The following ATP10D variants were observed in gnomAD, a reference collection of about 807,000 sequenced individuals.
ATP10D encodes phospholipid-transporting ATPase VD.
Under a neutral mutation model 144.8 loss-of-function variants are expected in ATP10D, and 89 were observed. The observed-to-expected ratio is 0.61, with a 90% CI of 0.52 to 0.73. The LOEUF is 0.73. Among genes scored for constraint, ATP10D ranks in the 30% least tolerant of loss-of-function variants. The pLI is 0.00. For synonymous variants in ATP10D, 571 were observed against 615.1 expected, an observed-to-expected ratio of 0.93 and a Z score of 1.06; for missense variants, 1,603 against 1,714.8, an observed-to-expected ratio of 0.93 and a Z score of 1.15.
intron 1 of ATP10D, among the ~76,000 whole-genome samples, chr4:47,502,088 A>C (rs1715711537): frequency 6.6e-6 from 1 of 152,194 alleles, no homozygotes; most frequent in Non-Finnish European, 1.5e-5. Flanking sequence ...ACACATATAC[A>C]ACTGCAACAT....
chr4:47,528,505 GTGTGTGTGTATA>G (rs1391724072), intron 5 of ATP10D, among the ~76,000 whole-genome samples: 490 of 26,060 alleles, frequency 0.019, 3 homozygotes, highest in African/African-American at 0.063. Flanking sequence ...GTGTGTGTGT[GTGTGTGTGTATA>G]TATATATATA....
At chr4:47,590,410 A>G (rs1423872872) in intron 22 of ATP10D, among the ~76,000 whole-genome samples, 1 of 152,128 alleles carries the variant, frequency 6.6e-6, no homozygotes, top group Non-Finnish European at 1.5e-5. Flanking sequence ...GCATAGCTGG[A>G]CAACCTTTCT....
At chr4:47,535,193 C>CA (rs1044390790) in intron 5 of ATP10D, among the ~76,000 whole-genome samples, 17 of 151,782 alleles carry the variant, frequency 1.1e-4, no homozygotes, top group African/African-American at 4.1e-4. Context: ...GCATGAGGTT[C>CA]AAAAAACCAC....
chr4:47,487,229 CCCA>C lies in ATP10D; in HGVS notation c.-38+1711_-38+1713del, dbSNP rs778896154. ...GGGCAACAAGAGCAAAACTCCGTCCCCCAAAAAAAAAAAAAAAAAAATAGAATC... is the reference window on the plus strand; with the variant it reads ...GGGCAACAAGAGCAAAACTCCGTCCCAAAAAAAAAAAAAAAAAATAGAATC... On this transcript the variant is annotated intron_variant, in intron 1 of 22. Transcript: ENST00000273859. Among the ~76,000 whole-genome samples, 63 of 14,136 alleles carry C rather than the reference CCCA, an allele frequency of 4.5e-3. 3 individuals carry two copies. Among genetic ancestry groups the C allele is most frequent in the East Asian group, 0.035 (6 of 170 alleles). The allele number at this position is 14,136 out of a possible 152,430, so 9.3% of individuals were successfully genotyped here. A position where few individuals can be genotyped will look rare whatever the true frequency, so the allele number is the denominator to read the frequency against.
At chr4:47,538,546 G>A (rs1441602556) in intron 9 of ATP10D, among the ~76,000 whole-genome samples, 1 of 152,134 alleles carries the variant, frequency 6.6e-6, no homozygotes, top group East Asian at 1.9e-4. Context: ...CAAATATGCT[G>A]TCTCACAGTA....
intron 1 of ATP10D, among the ~76,000 whole-genome samples, chr4:47,495,466 T>C (rs982963816): frequency 6.6e-6 from 1 of 152,178 alleles, no homozygotes; most frequent in South Asian, 2.1e-4. Flanking sequence ...AATGAAGTTC[T>C]GTTTTCTAAT....
At chr4:47,581,694 C>G (rs1392574011) in intron 20 of ATP10D, among the ~76,000 whole-genome samples, 1 of 152,038 alleles carries the variant, frequency 6.6e-6, no homozygotes, top group African/African-American at 2.4e-5. Flanking sequence ...CCTTAAAAAG[C>G]TAGAAGTGTG....
chr4:47,575,343 G>C (rs557201550), intron 18 of ATP10D, among the ~76,000 whole-genome samples: 1 of 152,202 alleles, frequency 6.6e-6, no homozygotes, highest in South Asian at 2.1e-4. Flanking sequence ...AGTGAACTTA[G>C]TTTGTCTGAG....
At chr4:47,532,817 C>T (rs1717637865) in intron 5 of ATP10D, among the ~76,000 whole-genome samples, 1 of 152,122 alleles carries the variant, frequency 6.6e-6, no homozygotes, top group East Asian at 1.9e-4. Flanking sequence ...CATGTTTCTA[C>T]CTGTATTACC....
At chr4:47,581,087 G>T (rs1048417887) in intron 20 of ATP10D, among the ~76,000 whole-genome samples, 4 of 152,112 alleles carry the variant, frequency 2.6e-5, no homozygotes, top group Non-Finnish European at 5.9e-5. Flanking sequence ...GGCAATGCCA[G>T]AATATGAAAG....
At chr4:47,572,733 T>C in intron 17 of ATP10D, 139 bp from the exon 18 acceptor site, 1 of 1,093,648 alleles carries the variant, frequency 9.1e-7, no homozygotes, top group South Asian at 1.5e-5. Context: ...TCCAAAAAAC[T>C]GATTTTCATT....
intron 9 of ATP10D, among the ~76,000 whole-genome samples, chr4:47,543,795 T>C (rs35934445): frequency 0.05 from 7,663 of 151,926 alleles, 266 homozygotes; most frequent in Non-Finnish European, 0.071. Context: ...GATGGCATTA[T>C]TTTGAAGATA....
chr4:47,523,991 AT>A (rs1458278134), intron 4 of ATP10D, among the ~76,000 whole-genome samples: 16 of 152,122 alleles, frequency 1.1e-4, no homozygotes, highest in Admixed American at 1.0e-3. Flanking sequence ...CAGTGGCGCA[AT>A]CTCTGCTCAC....
Position 47,511,660 on chromosome 4 carries a change from T to C in ATP10D, c.-37-844T>C, listed in dbSNP as rs187235781. ...TTTTGTAGCAAAGCACCCCAAAACT[T>C]AATGACATAACATTTATTGATTCAT... is the stretch of plus-strand genomic sequence containing the variant. On this transcript the variant is annotated intron_variant, in intron 1 of 22. Transcript: ENST00000273859. 1.1e-3 allele frequency among the ~76,000 whole-genome samples: 161 copies of C among 152,340 alleles called. 1 individual carries two copies. Among genetic ancestry groups the C allele is most frequent in the Non-Finnish European group, 1.8e-3 (123 of 68,032 alleles).
chr4:47,583,073 T>G (rs975079762), intron 21 of ATP10D: 1 of 152,248 alleles, frequency 6.6e-6, no homozygotes, highest in African/African-American at 2.4e-5. Flanking sequence ...GCCCAACAGT[T>G]GGAGGCTGCA....
At chr4:47,489,110 G>A (rs945300981) in intron 1 of ATP10D, among the ~76,000 whole-genome samples, 1 of 152,118 alleles carries the variant, frequency 6.6e-6, no homozygotes, top group Non-Finnish European at 1.5e-5. Flanking sequence ...TCCCCAATGA[G>A]AAATAGATAT....
At chr4:47,531,216 T>C (rs1230402447) in intron 5 of ATP10D, among the ~76,000 whole-genome samples, 1 of 152,164 alleles carries the variant, frequency 6.6e-6, no homozygotes, top group African/African-American at 2.4e-5. Flanking sequence ...TTCCATAGCA[T>C]CTGTAAGTAG....
intron 1 of ATP10D, among the ~76,000 whole-genome samples, chr4:47,507,737 C>T (rs1314093611): frequency 6.6e-6 from 1 of 152,238 alleles, no homozygotes; most frequent in Non-Finnish European, 1.5e-5. Context: ...ATAAAGCCAT[C>T]TGTAACACAC....
chr4:47,562,843 A>G (rs1028815503), intron 14 of ATP10D, among the ~76,000 whole-genome samples: 1 of 152,048 alleles, frequency 6.6e-6, no homozygotes, highest in African/African-American at 2.4e-5. Flanking sequence ...ATATATATAT[A>G]TACACACACA....
Sources: allele counts gnomAD v4.1 joint callset (sites outside exome capture counted in the v4.1 genomes callset), GRCh38; gene constraint gnomAD v4.1.1; transcripts MANE v1.5; gene names NCBI Gene and HGNC (gene_info 2026-07-23, HGNC 2026-07-21).